PI15: variants seen among roughly 807,000 people sequenced by gnomAD.
The protein encoded by PI15 is peptidase inhibitor 15, also known as 25 kDa trypsin inhibitor.
Under a neutral mutation model 31.0 loss-of-function variants are expected in PI15, and 18 were observed. The observed-to-expected ratio is 0.58, with a 90% CI of 0.40 to 0.86. The LOEUF (loss-of-function observed/expected upper bound fraction) is 0.86, where lower values mean the gene tolerates loss of function less well. PI15 is among the 40% of genes least tolerant of loss of function. The pLI is 0.00. For synonymous variants in PI15, 118 were observed against 119.1 expected (o/e 0.99, Z 0.06); for missense variants, 282 against 328.1 (o/e 0.86, Z 1.09).
At chr8:74,844,732 C>T (rs958833457) in intron 3 of PI15, 7 of 177,878 alleles carry the variant, frequency 3.9e-5, no homozygotes, top group African/African-American at 1.7e-4. Context: ...GGAATTCAGA[C>T]TGAAGTGAAA....
In PI15 at chr8:74,851,139, T is replaced by C. The variant is rs1313507594; in HGVS notation, c.*1886T>C. 6.6e-6 allele frequency: 1 copy of C among 152,584 alleles called. No homozygotes were observed. Among genetic ancestry groups the C allele is most frequent in the Non-Finnish European group, 1.5e-5 (1 of 67,996 alleles). 9.5% of individuals were successfully genotyped at this position (152,584 alleles called of 1,614,324 possible). A position where few individuals can be genotyped will look rare whatever the true frequency, so the allele number is the denominator to read the frequency against. On this transcript the variant is annotated 3_prime_UTR_variant, in exon 6 of 6. Transcript: ENST00000260113. ...CTTTGATATCATACTACTCTGCCTT[T>C]GTGGGCACATATGTAGACACTACTA...
rs1315733624 is a variant in PI15, at chr8:74,850,027, T to C, written c.*774T>C. The C allele has an allele frequency of 6.6e-6, 1 of 152,202 alleles. No individual in the cohort carries two copies. The highest frequency in any genetic ancestry group is 1.5e-5 in the Non-Finnish European group (1 of 68,028). The allele number at this position is 152,202 out of a possible 1,614,324, so 9.4% of individuals were successfully genotyped here. On this transcript the variant is annotated 3_prime_UTR_variant, in exon 6 of 6. Transcript: ENST00000260113. ...CTAATAATGCAGAGATAATTAGACA[T>C]GGTTCCCGCCCTCAAGAAGCTCACA...
Position 74,853,626 on chromosome 8 carries a change from T to C in PI15, c.*4373T>C, listed in dbSNP as rs1435235544. ...GTTATGAAGACAAATTCTTAATGGC[T>C]ACTTGACCTACAGCAAAAGCCATTT... On this transcript the variant is annotated 3_prime_UTR_variant, in exon 6 of 6. Transcript: ENST00000260113. 6.6e-6 allele frequency: 1 copy of C among 152,536 alleles called. No individual in the cohort carries two copies. Among genetic ancestry groups the C allele is most frequent in the Non-Finnish European group, 1.5e-5 (1 of 67,958 alleles). 9.4% of individuals were successfully genotyped at this position (152,536 alleles called of 1,614,324 possible). A position where few individuals can be genotyped will look rare whatever the true frequency, so the allele number is the denominator to read the frequency against.
intron 5 of PI15, among the ~76,000 whole-genome samples, chr8:74,848,717 A>T (rs1326283074): frequency 2.2e-5 from 3 of 134,992 alleles, no homozygotes; most frequent in Admixed American, 2.2e-4. Flanking sequence ...ATATATAAAT[A>T]TATATATATA....
intron 2 of PI15, among the ~76,000 whole-genome samples, chr8:74,840,041 T>C (rs1426924302): frequency 6.6e-6 from 1 of 152,138 alleles, no homozygotes; most frequent in African/African-American, 2.4e-5. Flanking sequence ...TCATAAGTAC[T>C]TACGGATCCC....
In PI15 at chr8:74,825,408, C is replaced by A. The variant is rs775649908; in HGVS notation, c.159C>A (p.Ile53=). ...AAGCACAATTAGATTCAGCGGATAT[C>A]CCCAAAGCCAGGCGGAAGCGCTACA... is the stretch of plus-strand genomic sequence containing the variant. The part of the protein sequence containing the change: ...ALKAQLDSAD[I]PKARRKRYIS... The change falls in exon 2 of 6, where the codon ATC becomes ATA. Residue 53 remains isoleucine, a synonymous_variant. Transcript: ENST00000260113. The A allele has an allele frequency of 1.9e-6, 3 of 1,613,292 alleles. No homozygotes were observed. The highest frequency in any genetic ancestry group is 2.5e-6 in the Non-Finnish European group (3 of 1,179,404).
At chr8:74,843,736 C>A (rs1198538105) in intron 2 of PI15, among the ~76,000 whole-genome samples, 1 of 151,908 alleles carries the variant, frequency 6.6e-6, no homozygotes, top group Non-Finnish European at 1.5e-5. Context: ...TGGTGATGTG[C>A]GCCTGTAATC....
intron 2 of PI15, among the ~76,000 whole-genome samples, chr8:74,825,801 A>C (rs1338137789): frequency 1.3e-5 from 2 of 152,046 alleles, no homozygotes; most frequent in Admixed American, 1.3e-4. Flanking sequence ...ATTGTATCTT[A>C]TGTAAGAATC....
At position 74,824,598 on chromosome 8, in the gene PI15, C is replaced by T. The variant is rs1006091991; in HGVS notation, c.-118C>T. On this transcript the variant is annotated 5_prime_UTR_variant, in exon 1 of 6. Coordinates refer to ENST00000260113, the MANE Select transcript of PI15 (RefSeq NM_015886.5). ...TTTGTAAAAAGACACACTCCTCTTA[C>T]AAGAGTTCATGCTACCACATAGCAA... 1 of 152,300 alleles carries T rather than the reference C, an allele frequency of 6.6e-6. No homozygotes were observed. The highest frequency in any genetic ancestry group is 1.5e-5 in the Non-Finnish European group (1 of 68,154). 9.4% of individuals were successfully genotyped at this position (152,300 alleles called of 1,614,324 possible). A position where few individuals can be genotyped will look rare whatever the true frequency, so the allele number is the denominator to read the frequency against.
intron 2 of PI15, among the ~76,000 whole-genome samples, chr8:74,841,592 G>T (rs1385273752): frequency 6.6e-6 from 1 of 152,182 alleles, no homozygotes; most frequent in Non-Finnish European, 1.5e-5. Flanking sequence ...AGTCCAATAT[G>T]TACAGAATGC....
At position 74,850,172 on chromosome 8, in the gene PI15, T is replaced by A. The variant is rs1051196394; in HGVS notation, c.*919T>A. 1.3e-5 allele frequency: 2 copies of A among 152,164 alleles called. No homozygotes were observed. Among genetic ancestry groups the A allele is most frequent in the Non-Finnish European group, 2.9e-5 (2 of 68,028 alleles). 9.4% of individuals were successfully genotyped at this position (152,164 alleles called of 1,614,324 possible). A position where few individuals can be genotyped will look rare whatever the true frequency, so the allele number is the denominator to read the frequency against. On this transcript the variant is annotated 3_prime_UTR_variant, in exon 6 of 6. Transcript: ENST00000260113. Reference sequence around the variant, plus strand: ...GTAATAAGCCATGCTGTGCAATATATACATAAAGCTTCTGCTTCTCATGGG... The same window carrying A: ...GTAATAAGCCATGCTGTGCAATATAAACATAAAGCTTCTGCTTCTCATGGG...
rs900796999 is a variant in PI15 at position 74,854,763 on chromosome 8, A to T, written c.*5510A>T. On this transcript the variant is annotated 3_prime_UTR_variant, in exon 6 of 6. Transcript: ENST00000260113. The stretch of plus-strand genomic sequence containing the variant: ...ATGCATATATATAAACACTATTTTT[A>T]AAAAATATCTAAATATGTCTCACAT... 5 of 152,132 alleles carry T rather than the reference A, an allele frequency of 3.3e-5. No individual in the cohort carries two copies. Among genetic ancestry groups the T allele is most frequent in the African/African-American group, 7.2e-5 (3 of 41,442 alleles). The allele number at this position is 152,132 out of a possible 1,614,324, so 9.4% of individuals were successfully genotyped here.
At chr8:74,843,889 A>T in intron 2 of PI15, 92 bp from the exon 3 acceptor site, 1 of 762,758 alleles carries the variant, frequency 1.3e-6, no homozygotes, top group Admixed American at 1.9e-5. Context: ...GACAAACAAT[A>T]ACTCTAGGAA....
chr8:74,829,018 A>G (rs1810740785), intron 2 of PI15, among the ~76,000 whole-genome samples: 4 of 149,624 alleles, frequency 2.7e-5, no homozygotes, highest in Admixed American at 2.7e-4. Context: ...AGTGATTTAC[A>G]GTTACTTTGT....
intron 2 of PI15, among the ~76,000 whole-genome samples, chr8:74,840,295 A>T (rs1467323136): frequency 1.3e-5 from 2 of 152,152 alleles, no homozygotes; most frequent in Non-Finnish European, 2.9e-5. Flanking sequence ...CGTAAACTAT[A>T]GTCTACTTAT....
intron 2 of PI15, 107 bp downstream of exon 2, chr8:74,825,629 G>T: frequency 1.1e-6 from 1 of 874,602 alleles, no homozygotes; most frequent in Admixed American, 2.8e-5. Context: ...CCGGGTATAT[G>T]GACTTTTTAC....
Position 74,825,276 on chromosome 8 carries a change from T to C in PI15, c.27T>C (p.Ser9=). 6.2e-7 allele frequency: 1 copy of C among 1,613,546 alleles called. No homozygotes were observed. Among genetic ancestry groups the C allele is most frequent in the Non-Finnish European group, 8.5e-7 (1 of 1,179,606 alleles). ...TGATAGCAATCTCTGCCGTCAGCAG[T>C]GCACTCCTGTTCTCCCTTCTCTGTG... is the stretch of plus-strand genomic sequence containing the variant. MIAISAVS[S]ALLFSLLCEA... Residue 9 remains serine (S), a synonymous_variant, in exon 2 of 6, where the codon AGT becomes AGC. Transcript: ENST00000260113.
chr8:74,845,028 T>G, intron 3 of PI15, 100 bp from the exon 4 acceptor site: 1 of 1,023,582 alleles, frequency 9.8e-7, no homozygotes, highest in Non-Finnish European at 1.5e-6. Context: ...TGGATCATCA[T>G]GAATAATCTG....
At chr8:74,841,140 A>G (rs891802564) in intron 2 of PI15, among the ~76,000 whole-genome samples, 3 of 152,162 alleles carry the variant, frequency 2.0e-5, no homozygotes, top group Non-Finnish European at 4.4e-5. Flanking sequence ...TATATATTTA[A>G]CATACACAAT....
Sources: gnomAD v4.1 joint callset for allele counts (sites outside exome capture counted in the v4.1 genomes callset) on GRCh38, gnomAD v4.1.1 for gene constraint, MANE v1.5 for transcripts, NCBI Gene and HGNC (gene_info 2026-07-23, HGNC 2026-07-21) for gene names.